WWP1: variants seen among roughly 807,000 people sequenced by gnomAD.
The protein encoded by WWP1 is NEDD4-like E3 ubiquitin-protein ligase WWP1.
Under a neutral mutation model 130.6 loss-of-function variants are expected in WWP1, and 49 were observed. That is an observed-to-expected ratio of 0.38 (90% confidence interval 0.30 to 0.48). The LOEUF is 0.48. Among genes scored for constraint, WWP1 ranks in the 20% least tolerant of loss-of-function variants. The probability of loss-of-function intolerance (pLI) is 0.99; values close to 1 mark genes in which losing one functional copy is unlikely to be tolerated. For missense variants in WWP1, 809 were observed against 1,100.6 expected, an observed-to-expected ratio of 0.74 and a Z score of 3.75; for synonymous variants, 332 against 367.8, an observed-to-expected ratio of 0.90 and a Z score of 1.11.
intron 5 of WWP1, 50 bp from the exon 6 acceptor site, chr8:86,398,292 C>A: frequency 6.6e-7 from 1 of 1,525,324 alleles, no homozygotes; most frequent in South Asian, 1.3e-5. Flanking sequence ...ATTTCTGAAG[C>A]ATTTTTATAT....
intron 5 of WWP1, among the ~76,000 whole-genome samples, chr8:86,392,370 C>T (rs556924089): frequency 5.0e-4 from 76 of 152,162 alleles, no homozygotes; most frequent in African/African-American, 1.4e-3. Flanking sequence ...AATTTTGAGG[C>T]GGAGAGAACC....
In WWP1 at chr8:86,438,960, G is replaced by A. The variant is rs187983311; in HGVS notation, c.1838+287G>A. Among the ~76,000 whole-genome samples the A allele has an allele frequency of 7.4e-4, 112 of 152,044 alleles. 1 individual carries two copies. Among genetic ancestry groups the A allele is most frequent in the African/African-American group, 2.6e-3 (108 of 41,462 alleles). On this transcript the variant is annotated intron_variant, in intron 17 of 24. Transcript: ENST00000517970. ...TGTACAAAATGTAGGATCTGATTTTGTTTTTTTATATAGTGTGGGCATCTT... is the reference window on the plus strand; with the variant it reads ...TGTACAAAATGTAGGATCTGATTTTATTTTTTTATATAGTGTGGGCATCTT...
intron 5 of WWP1, among the ~76,000 whole-genome samples, chr8:86,384,321 T>G (rs1485298326): frequency 6.6e-6 from 1 of 152,162 alleles, no homozygotes; most frequent in Non-Finnish European, 1.5e-5. Flanking sequence ...CTCATGATAG[T>G]ATCATAATCC....
chr8:86,387,310 AC>A (rs1825338136), intron 5 of WWP1, among the ~76,000 whole-genome samples: 1 of 152,160 alleles, frequency 6.6e-6, no homozygotes, highest in African/African-American at 2.4e-5. Flanking sequence ...AGGATAAAAT[AC>A]CAAGAATCTT....
chr8:86,358,478 GA>G (rs148588120), intron 1 of WWP1, among the ~76,000 whole-genome samples: 98,308 of 143,704 alleles, frequency 0.68, 33,673 homozygotes, highest in African/African-American at 0.72. Context: ...ATTTATTGAG[GA>G]GTTTTTTTTT....
chr8:86,412,386 C>A (rs1486082933), intron 9 of WWP1, among the ~76,000 whole-genome samples: 2 of 152,090 alleles, frequency 1.3e-5, no homozygotes, highest in Non-Finnish European at 2.9e-5. Flanking sequence ...TACTCAACTT[C>A]CCATGATTTT....
intron 17 of WWP1, 61 bp downstream of exon 17, chr8:86,438,734 T>C (rs554070856): frequency 2.2e-6 from 3 of 1,359,892 alleles, no homozygotes; most frequent in East Asian, 4.7e-5. Context: ...ACAGGGAAAG[T>C]ATTCTTCAAA....
At position 86,468,166 on chromosome 8, in the gene WWP1, TTTCA is replaced by T. The variant is rs1236478816; in HGVS notation, c.*1276_*1279del. On this transcript the variant is annotated 3_prime_UTR_variant, in exon 25 of 25. Transcript: ENST00000517970. ...TCATGCTTTTAATATGCACTGTAAA[TTTCA>T]TTAACTTAAACATTTTTTAATAGCC... The T allele has an allele frequency of 3.4e-5, 8 of 234,186 alleles. No individual in the cohort carries two copies. The highest frequency in any genetic ancestry group is 6.8e-5 in the Non-Finnish European group (8 of 117,264). The allele number at this position is 234,186 out of a possible 1,614,324, so 14.5% of individuals were successfully genotyped here. A position where few individuals can be genotyped will look rare whatever the true frequency, so the allele number is the denominator to read the frequency against.
At chr8:86,385,251 G>A (rs1445075069) in intron 5 of WWP1, among the ~76,000 whole-genome samples, 1 of 152,164 alleles carries the variant, frequency 6.6e-6, no homozygotes, top group Non-Finnish European at 1.5e-5. Context: ...GTGTATATTT[G>A]TGTATAAGGC....
At chr8:86,458,166 T>C (rs892094866) in intron 22 of WWP1, 141 bp downstream of exon 22, 5 of 630,870 alleles carry the variant, frequency 7.9e-6, no homozygotes, top group African/African-American at 7.4e-5. Flanking sequence ...TCTAAGCGAA[T>C]AGTGTGAACA....
chr8:86,370,538 G>T (rs568762377), intron 2 of WWP1, among the ~76,000 whole-genome samples: 1 of 152,208 alleles, frequency 6.6e-6, no homozygotes, highest in East Asian at 1.9e-4. Flanking sequence ...GTAATTGTTC[G>T]TTGGACAAAC....
chr8:86,395,554 C>A (rs1237300987), intron 5 of WWP1, among the ~76,000 whole-genome samples: 2 of 152,194 alleles, frequency 1.3e-5, no homozygotes, highest in Admixed American at 6.5e-5. Context: ...CAGGGTTAAA[C>A]CCTGACTAGC....
intron 24 of WWP1, among the ~76,000 whole-genome samples, chr8:86,466,536 G>A (rs13261956): frequency 0.29 from 40,612 of 142,118 alleles, 6,227 homozygotes; most frequent in East Asian, 0.53. Context: ...AAAGAAAATG[G>A]ATTTTTTTTT....
chr8:86,383,304 T>C (rs898467757), intron 5 of WWP1, among the ~76,000 whole-genome samples: 1 of 152,200 alleles, frequency 6.6e-6, no homozygotes, highest in Non-Finnish European at 1.5e-5. Flanking sequence ...TTGTTGGACA[T>C]CTAGATTGTT....
At chr8:86,412,338 T>C (rs557418115) in intron 9 of WWP1, among the ~76,000 whole-genome samples, 1 of 152,248 alleles carries the variant, frequency 6.6e-6, no homozygotes, top group Non-Finnish European at 1.5e-5. Flanking sequence ...CATTGCTGGT[T>C]AGTAATTCTT....
intron 1 of WWP1, among the ~76,000 whole-genome samples, chr8:86,363,917 T>G (rs1015044964): frequency 6.6e-6 from 1 of 152,142 alleles, no homozygotes; most frequent in Non-Finnish European, 1.5e-5. Context: ...GTAGTGTACG[T>G]GAAACACATT....
At chr8:86,456,720 G>T (rs1268030804) in intron 21 of WWP1, among the ~76,000 whole-genome samples, 1 of 151,872 alleles carries the variant, frequency 6.6e-6, no homozygotes, top group East Asian at 1.9e-4. Flanking sequence ...CAAGTGAATG[G>T]ATAAGCAAAT....
chr8:86,447,962 AGATT>A (rs1276512745), intron 18 of WWP1, among the ~76,000 whole-genome samples, 182 bp from the exon 19 acceptor site: 1 of 152,194 alleles, frequency 6.6e-6, no homozygotes, highest in Non-Finnish European at 1.5e-5. Flanking sequence ...GTTATAAAAT[AGATT>A]GTTTTAACTT....
At chr8:86,446,661 T>G (rs1025482330) in intron 18 of WWP1, among the ~76,000 whole-genome samples, 20 of 152,318 alleles carry the variant, frequency 1.3e-4, no homozygotes, top group Middle Eastern at 3.4e-3. Flanking sequence ...AAGGTAGCAC[T>G]CTAGTTTCAT....
Sources: gnomAD v4.1 joint callset for allele counts (sites outside exome capture counted in the v4.1 genomes callset) on GRCh38, gnomAD v4.1.1 for gene constraint, MANE v1.5 for transcripts, NCBI Gene and HGNC (gene_info 2026-07-23, HGNC 2026-07-21) for gene names.